The following ARHGAP6 variants were observed in gnomAD, a reference collection of about 807,000 sequenced individuals.
ARHGAP6 encodes rho GTPase-activating protein 6.
Under a neutral mutation model 55.7 loss-of-function variants are expected in ARHGAP6, and 16 were observed. The ratio of observed to expected loss-of-function variants is 0.29; its 90% confidence interval spans 0.19 to 0.44. The LOEUF (loss-of-function observed/expected upper bound fraction) is 0.44. ARHGAP6 is among the 20% of genes least tolerant of loss of function. The probability of loss-of-function intolerance (pLI) is 1.00; values close to 1 mark genes in which losing one functional copy is unlikely to be tolerated. For synonymous variants in ARHGAP6, 382 were observed against 360.9 expected (o/e 1.06, Z -0.66); for missense variants, 698 against 808.9 (o/e 0.86, Z 1.66).
chrX:11,533,799 C>A (rs557821057), intron 1 of ARHGAP6, among the ~76,000 whole-genome samples: 2 of 112,115 alleles, frequency 1.8e-5, no homozygotes, highest in East Asian at 2.8e-4. Context: ...TAGTGACAGC[C>A]ATTAACATGC....
rs995417377 is a variant in ARHGAP6, at chrX:11,179,470, C to G, written c.1330-18G>C. The G allele has an allele frequency of 8.3e-7, 1 of 1,200,589 alleles. No individual in the cohort carries two copies. The highest frequency in any genetic ancestry group is 2.2e-5 in the Admixed American group (1 of 45,090). ...TCACGTAACTGGAAGAACAATGGTT[C>G]GAGTGGCAGTCACATAACACCATAC... On this transcript the variant is annotated intron_variant, in intron 6 of 12. Transcript: ENST00000337414.
chrX:11,632,504 A>T (rs1425559033), intron 1 of ARHGAP6, among the ~76,000 whole-genome samples: 1 of 112,346 alleles, frequency 8.9e-6, no homozygotes, highest in East Asian at 2.8e-4. Flanking sequence ...CTCCAATTTG[A>T]TTTGAACACT....
At chrX:11,396,785 C>T (rs1229515275) in intron 1 of ARHGAP6, among the ~76,000 whole-genome samples, 1 of 111,644 alleles carries the variant, frequency 9.0e-6, no homozygotes, top group African/African-American at 3.3e-5. Flanking sequence ...AAAAAAATCT[C>T]AGAACCTATA....
At chrX:11,323,828 G>T (rs1408164613) in intron 1 of ARHGAP6, among the ~76,000 whole-genome samples, 1 of 94,381 alleles carries the variant, frequency 1.1e-5, no homozygotes, top group Non-Finnish European at 2.0e-5. Context: ...TCGCACCATT[G>T]CCCTCCAGTC....
chrX:11,138,210 T>C lies in ARHGAP6; in HGVS notation c.*653A>G, dbSNP rs1602715132. Reference sequence around the variant, plus strand: ...TAATCTATCAGATTTAGCATTTTCCTGAAAACGTATTCAATATCTAAAAGC... The same window carrying C: ...TAATCTATCAGATTTAGCATTTTCCCGAAAACGTATTCAATATCTAAAAGC... On this transcript the variant is annotated 3_prime_UTR_variant, in exon 13 of 13. Coordinates refer to ENST00000337414, the MANE Select transcript of ARHGAP6 (RefSeq NM_013427.3). 1 of 112,431 alleles carries C rather than the reference T, an allele frequency of 8.9e-6. No homozygotes were observed. Among genetic ancestry groups the C allele is most frequent in the Admixed American group, 9.4e-5 (1 of 10,601 alleles). The allele number at this position is 112,431 out of a possible 1,213,427, so 9.3% of individuals were successfully genotyped here.
intron 1 of ARHGAP6, among the ~76,000 whole-genome samples, chrX:11,570,269 A>G (rs1475217286): frequency 8.9e-6 from 1 of 111,999 alleles, no homozygotes; most frequent in Non-Finnish European, 1.9e-5. Context: ...TCTACAGCTG[A>G]GATTTCAGAA....
intron 1 of ARHGAP6, among the ~76,000 whole-genome samples, chrX:11,389,663 T>C (rs1357054274): frequency 2.7e-5 from 3 of 112,443 alleles, no homozygotes; most frequent in African/African-American, 9.7e-5. Context: ...AATACATTTG[T>C]AGGGGAAAAA....
chrX:11,428,980 A>G (rs981616066), intron 1 of ARHGAP6, among the ~76,000 whole-genome samples: 1 of 111,357 alleles, frequency 9.0e-6, no homozygotes, highest in Non-Finnish European at 1.9e-5. Context: ...CCACCCCTAG[A>G]TATACAGAGT....
intron 1 of ARHGAP6, among the ~76,000 whole-genome samples, chrX:11,634,126 C>T (rs2052391704): frequency 9.4e-6 from 1 of 106,454 alleles, no homozygotes; most frequent in Non-Finnish European, 1.9e-5. Flanking sequence ...CCCAGGCTCC[C>T]AAAGGTTTGG....
At chrX:11,215,143 G>T (rs2046861600) in intron 2 of ARHGAP6, among the ~76,000 whole-genome samples, 1 of 112,566 alleles carries the variant, frequency 8.9e-6, no homozygotes, top group Admixed American at 9.2e-5. Context: ...CTCCTGCCTG[G>T]CTGCCCAGCA....
chrX:11,591,988 A>C (rs768909162), intron 1 of ARHGAP6, among the ~76,000 whole-genome samples: 1 of 111,867 alleles, frequency 8.9e-6, no homozygotes, highest in African/African-American at 3.2e-5. Flanking sequence ...TAGGTTCCCC[A>C]AAAGTAGTCC....
At chrX:11,393,889 G>A (rs766953236) in intron 1 of ARHGAP6, among the ~76,000 whole-genome samples, 147 of 111,416 alleles carry the variant, frequency 1.3e-3, no homozygotes, top group Non-Finnish European at 2.3e-3. Context: ...AGCGTCTTTA[G>A]AACTGCTACA....
At chrX:11,201,926 T>C (rs1050719520) in intron 2 of ARHGAP6, among the ~76,000 whole-genome samples, 2 of 109,012 alleles carry the variant, frequency 1.8e-5, no homozygotes, top group African/African-American at 6.7e-5. Flanking sequence ...TGGTTTCAAC[T>C]TGCATGCTTA....
chrX:11,367,694 G>T, intron 1 of ARHGAP6: 1 of 473,221 alleles, frequency 2.1e-6, no homozygotes, highest in Non-Finnish European at 2.6e-6. Context: ...ATGGGGCTAA[G>T]TTTCTGGAAG....
intron 2 of ARHGAP6, among the ~76,000 whole-genome samples, chrX:11,236,787 C>T (rs1187016079): frequency 8.9e-6 from 1 of 112,354 alleles, no homozygotes; most frequent in Non-Finnish European, 1.9e-5. Flanking sequence ...GGTGGCAGGG[C>T]TGACATTCAA....
intron 2 of ARHGAP6, among the ~76,000 whole-genome samples, chrX:11,214,679 G>C (rs1057059509): frequency 8.8e-6 from 1 of 113,303 alleles, no homozygotes; most frequent in African/African-American, 3.2e-5. Context: ...TGAGGGGGAG[G>C]GCATGCCTGC....
At chrX:11,211,361 A>G (rs1363330546) in intron 2 of ARHGAP6, among the ~76,000 whole-genome samples, 1 of 105,978 alleles carries the variant, frequency 9.4e-6, no homozygotes, top group Admixed American at 1.0e-4. Context: ...AGCTGTGACT[A>G]CAGGCGCCCG....
chrX:11,358,123 T>C (rs947772769), intron 1 of ARHGAP6, among the ~76,000 whole-genome samples: 35 of 112,169 alleles, frequency 3.1e-4, no homozygotes, highest in Non-Finnish European at 5.8e-4. Flanking sequence ...ATTTCATATA[T>C]ATCCAGTCAT....
At chrX:11,187,168 A>G (rs937634880) in intron 4 of ARHGAP6, among the ~76,000 whole-genome samples, 1 of 111,369 alleles carries the variant, frequency 9.0e-6, no homozygotes, top group Admixed American at 9.6e-5. Context: ...GAGAGATAAT[A>G]TTATCTCCTA....
Sources: gnomAD v4.1 joint callset for allele counts (sites outside exome capture counted in the v4.1 genomes callset) on GRCh38, gnomAD v4.1.1 for gene constraint, MANE v1.5 for transcripts, NCBI Gene and HGNC (gene_info 2026-07-23, HGNC 2026-07-21) for gene names.